The following DLGAP1 variants were observed in gnomAD, a reference collection of about 807,000 sequenced individuals.
The protein encoded by DLGAP1 is DLG associated protein 1.
DLGAP1 carries 11 observed loss-of-function variants against 90.8 expected under a neutral mutation model. The ratio of observed to expected loss-of-function variants is 0.12; its 90% CI spans 0.08 to 0.20. The LOEUF (loss-of-function observed/expected upper bound fraction) is 0.20, where lower values mean the gene tolerates loss of function less well. Among genes scored for constraint, DLGAP1 ranks in the 10% least tolerant of loss-of-function variants. DLGAP1 has a pLI of 1.00. For synonymous variants in DLGAP1, 558 were observed against 540.7 expected (o/e 1.03, Z -0.44); for missense variants, 1,050 against 1,333.8 (o/e 0.79, Z 3.31).
In DLGAP1 at chr18:3,565,445, T is replaced by C. The variant is rs1391899001; in HGVS notation, c.2057+2045A>G. ...GATTACAGGCGTGAGCCATTGCCCA[T>C]GTCCAGGAATATATTTTCTTTAATG... On this transcript the variant is annotated intron_variant, in intron 9 of 12. Transcript: ENST00000315677. The surrounding 1 kb of genome is among the most constrained non-coding windows in gnomAD (Gnocchi z 4.0). Among the ~76,000 whole-genome samples the C allele has an allele frequency of 6.6e-6, 1 of 150,854 alleles. No individual in the cohort carries two copies. Among genetic ancestry groups the C allele is most frequent in the Non-Finnish European group, 1.5e-5 (1 of 67,786 alleles).
chr18:3,815,340 G>A (rs2067048598), intron 4 of DLGAP1, among the ~76,000 whole-genome samples: 2 of 152,168 alleles, frequency 1.3e-5, no homozygotes, highest in South Asian at 2.1e-4. Context: ...ACTCTCTAAA[G>A]GTTTCCAATG....
intron 4 of DLGAP1, among the ~76,000 whole-genome samples, chr18:3,838,192 C>T (rs1248051217): frequency 1.3e-5 from 2 of 152,186 alleles, no homozygotes; most frequent in Non-Finnish European, 2.9e-5. Context: ...ACCACATGCA[C>T]AGGGCTTGAT....
At chr18:4,208,415 T>G (rs1203714320) in intron 1 of DLGAP1, among the ~76,000 whole-genome samples, 1 of 152,214 alleles carries the variant, frequency 6.6e-6, no homozygotes, top group Non-Finnish European at 1.5e-5. Context: ...TTTACACACA[T>G]TAAAACACTC....
intron 7 of DLGAP1, among the ~76,000 whole-genome samples, chr18:3,670,512 C>A (rs2060049790): frequency 6.6e-6 from 1 of 152,180 alleles, no homozygotes; most frequent in African/African-American, 2.4e-5. Context: ...TCAGCTAAAT[C>A]TTTACATGAG....
intron 5 of DLGAP1, among the ~76,000 whole-genome samples, chr18:3,790,727 G>A (rs1256390166): frequency 6.6e-6 from 1 of 152,212 alleles, no homozygotes; most frequent in Admixed American, 6.5e-5. Flanking sequence ...CACGAAAGAA[G>A]TTGGGGAAAA....
chr18:3,864,604 TAAG>T (rs1258379099), intron 4 of DLGAP1, among the ~76,000 whole-genome samples: 2 of 152,212 alleles, frequency 1.3e-5, no homozygotes, highest in Non-Finnish European at 2.9e-5. Context: ...CAAAACCAGC[TAAG>T]AAGAAGGATT....
At chr18:3,984,828 A>T (rs9303935) in intron 3 of DLGAP1, among the ~76,000 whole-genome samples, 1 of 151,826 alleles carries the variant, frequency 6.6e-6, no homozygotes, top group African/African-American at 2.4e-5. Context: ...TTGGGTCTTT[A>T]TTTTGCCCAC....
At chr18:4,362,718 G>A (rs908362189) in intron 1 of DLGAP1, among the ~76,000 whole-genome samples, 14 of 152,096 alleles carry the variant, frequency 9.2e-5, no homozygotes, top group East Asian at 1.9e-4. Flanking sequence ...TGGTAAAAAC[G>A]TTTAAGATAG....
intron 1 of DLGAP1, among the ~76,000 whole-genome samples, chr18:4,251,203 G>T (rs1214317081): frequency 2.6e-5 from 4 of 152,142 alleles, no homozygotes. Context: ...AGACAGATGG[G>T]TGTTATCTTT....
intron 1 of DLGAP1, among the ~76,000 whole-genome samples, chr18:4,285,858 T>C (rs1434690183): frequency 6.6e-6 from 1 of 152,214 alleles, no homozygotes; most frequent in Non-Finnish European, 1.5e-5. Context: ...CTTGTCTACC[T>C]GTTAACCCAG....
At chr18:3,684,291 G>T (rs943994419) in intron 7 of DLGAP1, among the ~76,000 whole-genome samples, 1 of 150,860 alleles carries the variant, frequency 6.6e-6, no homozygotes, top group Non-Finnish European at 1.5e-5. Flanking sequence ...TCGGGCTCAA[G>T]CAATTCTCCC....
chr18:3,998,228 A>G (rs911136235), intron 3 of DLGAP1, among the ~76,000 whole-genome samples: 1 of 152,208 alleles, frequency 6.6e-6, no homozygotes, highest in Non-Finnish European at 1.5e-5. Context: ...ACTTGGAATA[A>G]TATGTATAGG....
chr18:4,274,015 A>G (rs2079347859), intron 1 of DLGAP1, among the ~76,000 whole-genome samples: 1 of 149,178 alleles, frequency 6.7e-6, no homozygotes, highest in Non-Finnish European at 1.5e-5. Context: ...AAATTTCACT[A>G]ATTTCTGCTC....
intron 3 of DLGAP1, among the ~76,000 whole-genome samples, chr18:3,907,743 T>C (rs1004938436): frequency 6.6e-6 from 1 of 152,154 alleles, no homozygotes; most frequent in Non-Finnish European, 1.5e-5. Flanking sequence ...GTTGATCATA[T>C]AGAAGACTCG....
At chr18:4,152,077 C>T (rs114798498) in intron 1 of DLGAP1, among the ~76,000 whole-genome samples, 1,953 of 152,278 alleles carry the variant, frequency 0.013, 46 homozygotes, top group African/African-American at 0.045. Flanking sequence ...GATCATATCA[C>T]ATGCTATATG....
intron 5 of DLGAP1, among the ~76,000 whole-genome samples, chr18:3,798,735 G>T (rs1355045648): frequency 6.6e-6 from 1 of 152,146 alleles, no homozygotes; most frequent in South Asian, 2.1e-4. Context: ...ACTGTATAGG[G>T]CATTCCAGGT....
intron 3 of DLGAP1, among the ~76,000 whole-genome samples, chr18:3,987,718 T>A (rs1329425349): frequency 1.3e-5 from 2 of 152,246 alleles, no homozygotes; most frequent in Non-Finnish European, 2.9e-5. Flanking sequence ...AATGTAATCA[T>A]GATATTGTCT....
intron 1 of DLGAP1, among the ~76,000 whole-genome samples, chr18:4,189,749 C>T (rs1048584981): frequency 2.0e-5 from 3 of 152,092 alleles, no homozygotes; most frequent in African/African-American, 7.2e-5. Flanking sequence ...GTACAGTATT[C>T]ATGAATGAAT....
chr18:3,680,780 C>A (rs377767297), intron 7 of DLGAP1, among the ~76,000 whole-genome samples: 49 of 134,336 alleles, frequency 3.6e-4, no homozygotes, highest in African/African-American at 1.5e-3. Context: ...CAGAGCGAGA[C>A]TCCGTCTCAA....
Sources: gnomAD v4.1 joint callset for allele counts (sites outside exome capture counted in the v4.1 genomes callset) on GRCh38, gnomAD v4.1.1 for gene constraint, Gnocchi (gnomAD v3.1) non-coding constraint, MANE v1.5 for transcripts, NCBI Gene and HGNC (gene_info 2026-07-23, HGNC 2026-07-21) for gene names.